Variants in KCNAB2 observed in about 807,000 individuals in gnomAD.
The protein encoded by KCNAB2 is potassium voltage-gated channel subfamily A regulatory beta subunit 2.
In KCNAB2, 29 loss-of-function variants were observed where a neutral mutation model predicts 63.6. The ratio of observed to expected loss-of-function variants is 0.46; its 90% CI spans 0.34 to 0.62. The LOEUF (loss-of-function observed/expected upper bound fraction) is 0.62. Among genes scored for constraint, KCNAB2 ranks in the 20% least tolerant of loss-of-function variants. The pLI is 0.01. For missense variants in KCNAB2, 359 were observed against 563.9 expected, an observed-to-expected ratio of 0.64 and a Z score of 3.68; for synonymous variants, 222 against 224.2, an observed-to-expected ratio of 0.99 and a Z score of 0.09.
At chr1:6,041,302 C>G (rs1660479802), upstream of KCNAB2, 2 of 167,130 alleles carry the variant, frequency 1.2e-5, no homozygotes, top group Admixed American at 1.2e-4. Flanking sequence ...AGTACCCCAG[C>G]AGCCCATCAG....
At chr1:6,072,427 C>T (rs1663284530) in intron 2 of KCNAB2, among the ~76,000 whole-genome samples, 1 of 152,178 alleles carries the variant, frequency 6.6e-6, no homozygotes, top group South Asian at 2.1e-4. Context: ...ATGGATGGTG[C>T]CATGGGGGTG....
chr1:5,999,084 C>A (rs375770092), intron 1 of KCNAB2, among the ~76,000 whole-genome samples: 1 of 152,266 alleles, frequency 6.6e-6, no homozygotes, highest in Non-Finnish European at 1.5e-5. Context: ...ACGATTTCAA[C>A]GGCGCATTCT....
At chr1:6,025,904 TC>T (rs1489468549) in intron 1 of KCNAB2, 1 of 137,838 alleles carries the variant, frequency 7.3e-6, no homozygotes, top group East Asian at 2.0e-4. Context: ...ACACAGCCGA[TC>T]CCGGCACACA....
rs932095579 is a variant in KCNAB2, at chr1:6,088,999, G to A, written c.471-9G>A. 2 of 1,547,998 alleles carry A rather than the reference G, an allele frequency of 1.3e-6. No individual in the cohort carries two copies. Among genetic ancestry groups the A allele is most frequent in the African/African-American group, 1.4e-5 (1 of 72,854 alleles). Reference sequence around the variant, plus strand: ...TGGTGACATCACACGCGGTCGGCCTGTTTTCCAGGGCGGAGACGGAGCGGG... The same window carrying A: ...TGGTGACATCACACGCGGTCGGCCTATTTTCCAGGGCGGAGACGGAGCGGG... On this transcript the variant is annotated splice_polypyrimidine_tract_variant and intron_variant, in intron 7 of 15. Transcript: ENST00000378083.
In KCNAB2 at chr1:6,089,075, A is replaced by G. The variant is rs763970321; in HGVS notation, c.514+24A>G. 7.8e-6 allele frequency: 12 copies of G among 1,545,810 alleles called. No individual in the cohort carries two copies. The East Asian group carries it at 2.5e-4, about 32-fold the overall frequency. On this transcript the variant is annotated intron_variant, in intron 8 of 15. Coordinates refer to ENST00000378083, the MANE Select transcript of KCNAB2 (RefSeq NM_001199862.2). ...AGGTGAGGACGCGCTCGGGCACCTC[A>G]GGGCCCCCATACCTGTGGGATCATC...
chr1:6,025,119 G>C (rs568127331), intron 1 of KCNAB2, among the ~76,000 whole-genome samples: 2 of 152,202 alleles, frequency 1.3e-5, no homozygotes, highest in East Asian at 3.9e-4. Flanking sequence ...TTCCTAGTGA[G>C]CACCCAGACT....
At position 6,082,179 on chromosome 1, in the gene KCNAB2, G is replaced by C; in HGVS notation, c.301-16G>C. The C allele has an allele frequency of 1.2e-6, 2 of 1,611,872 alleles. No individual in the cohort carries two copies. The highest frequency in any genetic ancestry group is 2.2e-5 in the South Asian group (2 of 91,026). ...CACCCCCGGCTGGCAGGACAGTGTCGGTTTTCTCGTTTCAGATGGCAGAGC... is the reference window on the plus strand; with the variant it reads ...CACCCCCGGCTGGCAGGACAGTGTCCGTTTTCTCGTTTCAGATGGCAGAGC... On this transcript the variant is annotated splice_polypyrimidine_tract_variant and intron_variant, in intron 4 of 15. Transcript: ENST00000378083.
rs561097516 is a variant in KCNAB2 at position 5,994,360 on chromosome 1, C to T, written c.-53+1572C>T. 6.6e-6 allele frequency among the ~76,000 whole-genome samples: 1 copy of T among 152,368 alleles called. No individual in the cohort carries two copies. Among genetic ancestry groups the T allele is most frequent in the East Asian group, 1.9e-4 (1 of 5,190 alleles). ...TCTGCTGCAGAGCCCTGTGCAGCTC[C>T]TGGCCCTGTGCTCTCGCAGTGTGGG... On this transcript the variant is annotated intron_variant, in intron 1 of 16. Transcript: ENST00000341524. This position sits in a 1 kb window ranked among gnomAD's most constrained non-coding sequence, Gnocchi z 5.4.
chr1:6,084,494 C>T (rs567804401), intron 5 of KCNAB2, among the ~76,000 whole-genome samples: 31 of 152,300 alleles, frequency 2.0e-4, no homozygotes, highest in Admixed American at 1.5e-3. Flanking sequence ...CAAAACAGAG[C>T]GTGACTTGAT....
chr1:6,018,019 C>G (rs989618139), intron 1 of KCNAB2, among the ~76,000 whole-genome samples: 1 of 152,216 alleles, frequency 6.6e-6, no homozygotes, highest in Admixed American at 6.5e-5. Context: ...CTCAAGCAGT[C>G]TTCCCACCTG....
intron 2 of KCNAB2, among the ~76,000 whole-genome samples, chr1:6,065,981 G>C (rs1662714284): frequency 6.6e-6 from 1 of 152,194 alleles, no homozygotes; most frequent in African/African-American, 2.4e-5. Flanking sequence ...TCCTGGTCGG[G>C]GGAGAAGAGT....
intron 1 of KCNAB2, among the ~76,000 whole-genome samples, chr1:5,997,429 T>A (rs1048420465): frequency 6.6e-6 from 1 of 152,148 alleles, no homozygotes; most frequent in African/African-American, 2.4e-5. Flanking sequence ...CTATTCTCCC[T>A]GACCTTGGGC....
At chr1:6,065,872 C>T (rs1662704480) in intron 2 of KCNAB2, among the ~76,000 whole-genome samples, 1 of 152,218 alleles carries the variant, frequency 6.6e-6, no homozygotes, top group African/African-American at 2.4e-5. Flanking sequence ...GTGACTCCCT[C>T]CCTCAGAGCT....
At chr1:5,995,457 C>T (rs900144878) in intron 1 of KCNAB2, among the ~76,000 whole-genome samples, 4 of 152,260 alleles carry the variant, frequency 2.6e-5, no homozygotes, top group African/African-American at 9.6e-5. Flanking sequence ...CAGAAGGCCA[C>T]TTGGAGGCAT....
At chr1:6,068,300 G>A (rs890643181) in intron 2 of KCNAB2, among the ~76,000 whole-genome samples, 1 of 152,372 alleles carries the variant, frequency 6.6e-6, no homozygotes, top group Middle Eastern at 3.4e-3. Context: ...CGTGCGTGCT[G>A]GAGGCAGGGA....
rs1216940463 is a variant in KCNAB2, at chr1:6,071,745, C to CCCTCCTGCCGCGTGGGCT, written c.219-982_219-965dup. On this transcript the variant is annotated intron_variant, in intron 2 of 15. Transcript: ENST00000378083. The surrounding 1 kb of genome is among the most constrained non-coding windows in gnomAD (Gnocchi z 8.5). ...GCGTAGGACTCCTGCGGCGAGGGCTCCCTCCTGCCGCGTGGGCTCCTCCTG... is the reference window on the plus strand; with the variant it reads ...GCGTAGGACTCCTGCGGCGAGGGCTCCCTCCTGCCGCGTGGGCTCCTCCTGCCGCGTGGGCTCCTCCTG... Among the ~76,000 whole-genome samples the CCCTCCTGCCGCGTGGGCT allele has an allele frequency of 2.6e-5, 4 of 151,076 alleles. No individual in the cohort carries two copies. The East Asian group carries it at 5.9e-4, about 22-fold the overall frequency.
intron 10 of KCNAB2, among the ~76,000 whole-genome samples, chr1:6,092,031 C>G (rs891295954): frequency 1.3e-5 from 2 of 152,230 alleles, no homozygotes; most frequent in African/African-American, 4.8e-5. Context: ...TGTCGATCTC[C>G]CTGGGCCTGG....
chr1:6,040,483 C>A, intron 1 of KCNAB2: 4 of 1,151,574 alleles, frequency 3.5e-6, no homozygotes, highest in South Asian at 1.2e-5. Flanking sequence ...TAACCACCAC[C>A]CTCTTCCCCT....
chr1:6,093,971 G>A (rs921759140), intron 10 of KCNAB2, among the ~76,000 whole-genome samples: 5 of 152,072 alleles, frequency 3.3e-5, no homozygotes, highest in Non-Finnish European at 4.4e-5. Context: ...CCCTCCTGCC[G>A]CCAATCTGAC....
Sources: allele counts gnomAD v4.1 joint callset (sites outside exome capture counted in the v4.1 genomes callset), GRCh38; gene constraint gnomAD v4.1.1; non-coding constraint Gnocchi (gnomAD v3.1); transcripts MANE v1.5; gene names NCBI Gene and HGNC (gene_info 2026-07-23, HGNC 2026-07-21).